The following SMAD9 variants were observed in gnomAD, a reference collection of about 807,000 sequenced individuals.
The protein encoded by SMAD9 is SMAD family member 9.
SMAD9 carries 36 observed loss-of-function variants against 46.1 expected under a neutral mutation model. The ratio of observed to expected loss-of-function variants is 0.78; its 90% CI spans 0.60 to 1.03. The LOEUF (loss-of-function observed/expected upper bound fraction) is 1.03. Ranked by LOEUF, SMAD9 falls within the 50% of genes least tolerant of loss-of-function variation. SMAD9 has a pLI of 0.00. For synonymous variants in SMAD9, 245 were observed against 237.1 expected (o/e 1.03, Z -0.31); for missense variants, 572 against 599.8 (o/e 0.95, Z 0.48).
chr13:36,885,242 AC>A (rs1426300217), intron 1 of SMAD9, among the ~76,000 whole-genome samples: 1 of 152,196 alleles, frequency 6.6e-6, no homozygotes, highest in Non-Finnish European at 1.5e-5. Flanking sequence ...CTTTATAATA[AC>A]TTATTTATAC....
intron 1 of SMAD9, among the ~76,000 whole-genome samples, chr13:36,900,864 T>G (rs1390826372): frequency 6.6e-6 from 1 of 152,184 alleles, no homozygotes; most frequent in East Asian, 1.9e-4. Context: ...ACCATCACCT[T>G]TACCTAGTTC....
chr13:36,879,772 T>C lies in SMAD9; in HGVS notation c.-83A>G. 6.6e-7 allele frequency: 1 copy of C among 1,521,574 alleles called. No homozygotes were observed. The highest frequency in any genetic ancestry group is 9.0e-7 in the Non-Finnish European group (1 of 1,106,876). 94.3% of individuals were successfully genotyped at this position (1,521,574 alleles called of 1,614,324 possible). A position where few individuals can be genotyped will look rare whatever the true frequency, so the allele number is the denominator to read the frequency against. Reference sequence around the variant, plus strand: ...TGGGCGGCGAGTAGCTCTCCAGGGGTGGCATAGGGACCAACCCGCCCGTTC... The same window carrying C: ...TGGGCGGCGAGTAGCTCTCCAGGGGCGGCATAGGGACCAACCCGCCCGTTC... On this transcript the variant is annotated 5_prime_UTR_variant, in exon 2 of 7. Transcript: ENST00000379826.
chr13:36,876,336 C>T (rs1033967881), intron 2 of SMAD9, among the ~76,000 whole-genome samples: 2 of 152,086 alleles, frequency 1.3e-5, no homozygotes, highest in African/African-American at 4.8e-5. Context: ...TAACCTCCAG[C>T]CAAATGGAGT....
At chr13:36,910,577 C>T (rs899887871) in intron 1 of SMAD9, among the ~76,000 whole-genome samples, 16 of 152,312 alleles carry the variant, frequency 1.1e-4, no homozygotes, top group African/African-American at 3.8e-4. Context: ...GCAATCTGGC[C>T]TCCCCAGACT....
chr13:36,910,838 G>T (rs2058655470), intron 1 of SMAD9, among the ~76,000 whole-genome samples: 1 of 152,112 alleles, frequency 6.6e-6, no homozygotes, highest in African/African-American at 2.4e-5. Flanking sequence ...TGAATCCCCA[G>T]ATTTGGTAAG....
At chr13:36,895,324 T>G (rs933492529) in intron 1 of SMAD9, among the ~76,000 whole-genome samples, 3 of 152,182 alleles carry the variant, frequency 2.0e-5, no homozygotes, top group African/African-American at 7.2e-5. Flanking sequence ...CATCTCTGTA[T>G]CGATCTAAAG....
intron 1 of SMAD9, among the ~76,000 whole-genome samples, chr13:36,907,504 C>T (rs2058628716): frequency 6.6e-6 from 1 of 152,046 alleles, no homozygotes; most frequent in Admixed American, 6.6e-5. Flanking sequence ...CCCATCTCTA[C>T]AAAAGTGGTT....
At chr13:36,861,515 T>C (rs1273286582) in intron 5 of SMAD9, among the ~76,000 whole-genome samples, 2 of 151,502 alleles carry the variant, frequency 1.3e-5, no homozygotes, top group East Asian at 4.0e-4. Flanking sequence ...AGAGTTTCAC[T>C]ATGTTGGCCA....
At chr13:36,868,879 A>G (rs1030755282) in intron 3 of SMAD9, among the ~76,000 whole-genome samples, 2 of 152,246 alleles carry the variant, frequency 1.3e-5, no homozygotes, top group Non-Finnish European at 2.9e-5. Flanking sequence ...AATATCCAAC[A>G]GCTAATGAAT....
rs34299786 is a variant in SMAD9, at chr13:36,887,214, CTTTTTTTT to C, written c.-186-7347_-186-7340del. 2.8e-3 allele frequency among the ~76,000 whole-genome samples: 185 copies of C among 65,598 alleles called. 4 individuals are homozygous for C. In the East Asian group the frequency reaches 0.084, roughly 30 times the overall value. The allele number at this position is 65,598 out of a possible 152,430, so 43.0% of individuals were successfully genotyped here. ...AAGAAGTTAAATGATCTGACTAGAT[CTTTTTTTT>C]TTTTTTTTTTTTTTTTTTGAGATGG... On this transcript the variant is annotated intron_variant, in intron 1 of 6. Coordinates refer to ENST00000379826, the MANE Select transcript of SMAD9 (RefSeq NM_001127217.3).
intron 1 of SMAD9, among the ~76,000 whole-genome samples, chr13:36,893,389 C>T (rs1049033045): frequency 3.4e-5 from 5 of 146,270 alleles, no homozygotes; most frequent in East Asian, 3.9e-4. Flanking sequence ...AACTATTGTA[C>T]ATATATATAT....
In SMAD9 at chr13:36,848,558, G is replaced by A. The variant is rs181634186; in HGVS notation, c.*118C>T. ...ACGGTGATTAAAAAAAATAAGAACAGTATACATTCTATGTATTTACACATG... is the reference window on the plus strand; with the variant it reads ...ACGGTGATTAAAAAAAATAAGAACAATATACATTCTATGTATTTACACATG... On this transcript the variant is annotated 3_prime_UTR_variant, in exon 7 of 7. Transcript: ENST00000379826. 3.5e-4 allele frequency: 347 copies of A among 979,474 alleles called. 1 individual carries two copies. The highest frequency in any genetic ancestry group is 4.9e-4 in the Non-Finnish European group (294 of 605,514). 60.7% of individuals were successfully genotyped at this position (979,474 alleles called of 1,614,324 possible). A position where few individuals can be genotyped will look rare whatever the true frequency, so the allele number is the denominator to read the frequency against.
chr13:36,887,691 G>A (rs977767982), intron 1 of SMAD9, among the ~76,000 whole-genome samples: 3 of 152,128 alleles, frequency 2.0e-5, no homozygotes, highest in African/African-American at 7.2e-5. Context: ...GTTTAAAGAT[G>A]AGGCTTCTGG....
chr13:36,861,302 T>C (rs1214987362), intron 5 of SMAD9, among the ~76,000 whole-genome samples: 1 of 152,118 alleles, frequency 6.6e-6, no homozygotes, highest in Non-Finnish European at 1.5e-5. Flanking sequence ...TGGCTCATCA[T>C]TAACTATAAT....
chr13:36,893,866 CATATT>C (rs1300908118), intron 1 of SMAD9, among the ~76,000 whole-genome samples: 4 of 151,920 alleles, frequency 2.6e-5, no homozygotes, highest in South Asian at 2.1e-4. Flanking sequence ...GTTATACTGT[CATATT>C]ATATTATATG....
rs1251658266 is a variant in SMAD9 at position 36,872,788 on chromosome 13, A to G, written c.540T>C (p.Ser180=). 6 of 1,614,088 alleles carry G rather than the reference A, an allele frequency of 3.7e-6. No homozygotes were observed. Among genetic ancestry groups the G allele is most frequent in the Admixed American group, 3.3e-5 (2 of 60,010 alleles). ...LMPHNATYPD[S]FQQPPCSALP... is the part of the protein sequence containing the mutation. Reference sequence around the variant, plus strand: ...GTGCAGAGCACGGAGGCTGCTGGAAAGAGTCAGGATAGGTGGCGTTGTGTG... The same window carrying G: ...GTGCAGAGCACGGAGGCTGCTGGAAGGAGTCAGGATAGGTGGCGTTGTGTG... Residue 180 remains serine (S), a synonymous_variant, in exon 3 of 7, where the codon TCT becomes TCC. Coordinates refer to ENST00000379826, the MANE Select transcript of SMAD9 (RefSeq NM_001127217.3).
At chr13:36,851,968 G>C (rs1278151668) in intron 6 of SMAD9, 7 of 973,370 alleles carry the variant, frequency 7.2e-6, no homozygotes, top group African/African-American at 1.9e-5. Flanking sequence ...ACACAGACCC[G>C]GAAAAAAAAA....
chr13:36,910,782 C>T (rs1007101798), intron 1 of SMAD9, among the ~76,000 whole-genome samples: 2 of 152,192 alleles, frequency 1.3e-5, no homozygotes, highest in African/African-American at 4.8e-5. Context: ...TGGGCTTCCA[C>T]AGCACCTAAC....
intron 5 of SMAD9, among the ~76,000 whole-genome samples, chr13:36,857,422 T>A (rs1301431447): frequency 6.6e-6 from 1 of 152,192 alleles, no homozygotes; most frequent in African/African-American, 2.4e-5. Context: ...TCTTGGGCTC[T>A]GTATCTGCTT....
Sources: allele counts gnomAD v4.1 joint callset (sites outside exome capture counted in the v4.1 genomes callset), GRCh38; gene constraint gnomAD v4.1.1; transcripts MANE v1.5; gene names NCBI Gene and HGNC (gene_info 2026-07-23, HGNC 2026-07-21).